Variants in LRP1 observed in about 807,000 individuals in gnomAD.
The protein encoded by LRP1 is prolow-density lipoprotein receptor-related protein 1.
LRP1 carries 51 observed loss-of-function variants against 541.5 expected under a neutral mutation model. The ratio of observed to expected loss-of-function variants is 0.09; its 90% CI spans 0.08 to 0.12. The LOEUF (loss-of-function observed/expected upper bound fraction) is 0.12. LRP1 is among the 10% of genes least tolerant of loss of function. The pLI is 1.00. For missense variants in LRP1, 3,878 were observed against 6,376.2 expected (o/e 0.61, Z 13.34); for synonymous variants, 2,219 against 2,470.8 (o/e 0.90, Z 3.02).
chr12:57,179,914 G>A lies in LRP1; in HGVS notation c.5099G>A (p.Gly1700Asp). Residue 1700 changes from glycine (G) to aspartate (D), a missense_variant, in exon 30 of 89, where the codon GGC (glycine) becomes GAC (aspartate). Transcript: ENST00000243077. This position sits in a 1 kb window ranked among gnomAD's most constrained non-coding sequence, Gnocchi z 6.8. ...TCCTTCAAGAACGCAGTGGTGCAGGGCCTGGAGCAGCCCCATGGCCTTGTC... is the reference window on the plus strand; with the variant it reads ...TCCTTCAAGAACGCAGTGGTGCAGGACCTGGAGCAGCCCCATGGCCTTGTC... ...DGSFKNAVVQ[G>D]LEQPHGLVVH... The A allele has an allele frequency of 6.2e-7, 1 of 1,614,132 alleles. No homozygotes were observed. Among genetic ancestry groups the A allele is most frequent in the Non-Finnish European group, 8.5e-7 (1 of 1,180,044 alleles).
In LRP1 at chr12:57,178,464, G is replaced by A; in HGVS notation, c.4467G>A (p.Gly1489=). 1 of 1,614,228 alleles carries A rather than the reference G, an allele frequency of 6.2e-7. No homozygotes were observed. The highest frequency in any genetic ancestry group is 8.5e-7 in the Non-Finnish European group (1 of 1,180,030). ...SHPFAVTLYG[G]EVYWTDWRTN... is the part of the protein sequence containing the mutation. ...CGTTTGCAGTGACGCTGTACGGGGG[G>A]GAGGTCTACTGGACTGACTGGCGAA... Residue 1489 remains glycine, a synonymous_variant, in exon 27 of 89, where the codon GGG becomes GGA. Transcript: ENST00000243077. This position sits in a 1 kb window ranked among gnomAD's most constrained non-coding sequence, Gnocchi z 5.8.
Position 57,195,896 on chromosome 12 carries a change from G to A in LRP1, c.8594G>A (p.Cys2865Tyr). The A allele has an allele frequency of 6.2e-7, 1 of 1,613,742 alleles. No individual in the cohort carries two copies. The highest frequency in any genetic ancestry group is 2.2e-5 in the East Asian group (1 of 44,882). Residue 2865 changes from cysteine (C) to tyrosine (Y), a missense_variant, in exon 54 of 89, where the codon TGT becomes TAT. This residue lies in a region of LRP1 where 1,100 missense variants were observed against 1,827.4 expected (regional missense o/e 0.60). Coordinates refer to ENST00000243077, the MANE Select transcript of LRP1 (RefSeq NM_002332.3). ...ACCTGCGGCCCCAGTGAGTTCCGCT[G>A]TGCCAATGGGCGCTGTCTGAGCTCC... ...YPTCGPSEFR[C>Y]ANGRCLSSRQ...
In LRP1 at chr12:57,173,291, G is replaced by A; in HGVS notation, c.3287G>A (p.Ser1096Asn). 1 of 1,614,142 alleles carries A rather than the reference G, an allele frequency of 6.2e-7. No homozygotes were observed. Among genetic ancestry groups the A allele is most frequent in the Non-Finnish European group, 8.5e-7 (1 of 1,180,022 alleles). The change falls in exon 21 of 89, where the codon AGC (serine) becomes AAC (asparagine). Residue 1096 changes from serine (S) to asparagine (N), a missense_variant. Ser to Asn is a conservative substitution (Grantham distance 46). Around this residue, in one of 13 missense-constraint regions of LRP1, gnomAD observed 320 missense variants for 547.9 expected, o/e 0.58. Transcript: ENST00000243077. The surrounding 1 kb of genome is among the most constrained non-coding windows in gnomAD (Gnocchi z 4.7). ...TGCATGGACTCCAGCGATGAGAAGA[G>A]CTGTGAGGGAGTGACCCACGTCTGC... ...TDCMDSSDEK[S>N]CEGVTHVCDP... is the part of the protein sequence containing the mutation.
intron 79 of LRP1, 90 bp downstream of exon 79, chr12:57,209,289 C>T (rs922380462): frequency 1.9e-6 from 2 of 1,034,072 alleles, no homozygotes; most frequent in Non-Finnish European, 3.0e-6. Context: ...TCAATGCCTC[C>T]CATCCTTTGT....
intron 78 of LRP1, 45 bp downstream of exon 78, chr12:57,208,862 G>A (rs368477782): frequency 2.4e-5 from 36 of 1,477,924 alleles, no homozygotes; most frequent in African/African-American, 8.3e-5. Flanking sequence ...GAGGGGGCCC[G>A]GCTCGCAGAG....
At chr12:57,199,180 A>C (rs1262190306) in intron 60 of LRP1, 32 bp from the exon 61 acceptor site, 1 of 1,603,456 alleles carries the variant, frequency 6.2e-7, no homozygotes, top group Non-Finnish European at 8.5e-7. Flanking sequence ...GCTCCGGCTG[A>C]CTGGCACTGT....
Position 57,211,617 on chromosome 12 carries a change from A to C in LRP1, c.13193+29A>C. The C allele has an allele frequency of 1.2e-6, 2 of 1,610,088 alleles. No homozygotes were observed. Among genetic ancestry groups the C allele is most frequent in the South Asian group, 2.2e-5 (2 of 90,998 alleles). ...AGTTGGGCCCGGGCTTCACCCAGGCATAGATCATCGCTCCCTTCCCCAGAT... is the reference window on the plus strand; with the variant it reads ...AGTTGGGCCCGGGCTTCACCCAGGCCTAGATCATCGCTCCCTTCCCCAGAT... On this transcript the variant is annotated intron_variant, in intron 85 of 88. Transcript: ENST00000243077. The surrounding 1 kb of genome is among the most constrained non-coding windows in gnomAD (Gnocchi z 4.3).
At chr12:57,149,738 C>A (rs1160851745) in intron 6 of LRP1, 2 of 728,012 alleles carry the variant, frequency 2.7e-6, no homozygotes, top group Admixed American at 3.8e-5. Flanking sequence ...AAGCTCCAGA[C>A]TGGCTGGTGG....
intron 77 of LRP1, 75 bp downstream of exon 77, chr12:57,208,291 C>T: frequency 6.8e-7 from 1 of 1,470,264 alleles, no homozygotes; most frequent in Non-Finnish European, 9.3e-7. Context: ...GGGCTGCACC[C>T]ACATGCGTGC....
chr12:57,210,578 C>A, intron 82 of LRP1, 98 bp downstream of exon 82: 2 of 1,439,818 alleles, frequency 1.4e-6, no homozygotes, highest in East Asian at 2.3e-5. Context: ...CCCTGCCTCG[C>A]CTCCAGCCTC....
rs1326619711 is a variant in LRP1 at position 57,128,917 on chromosome 12, G to A, written c.-48G>A. 2.0e-6 allele frequency: 3 copies of A among 1,497,948 alleles called. No individual in the cohort carries two copies. The highest frequency in any genetic ancestry group is 2.5e-5 in the East Asian group (1 of 39,892). The allele number at this position is 1,497,948 out of a possible 1,614,324, so 92.8% of individuals were successfully genotyped here. On this transcript the variant is annotated 5_prime_UTR_variant, in exon 1 of 89. Transcript: ENST00000243077. ...CAACTGGGGGGGGTGAAGGAGAGAAGTAGCAGGACCAGAGGGGAAGGGGCT... is the reference window on the plus strand; with the variant it reads ...CAACTGGGGGGGGTGAAGGAGAGAAATAGCAGGACCAGAGGGGAAGGGGCT...
Position 57,200,718 on chromosome 12 carries a change from C to T in LRP1, c.10128C>T (p.Pro3376=), listed in dbSNP as rs745682575. 1.1e-5 allele frequency: 18 copies of T among 1,613,816 alleles called. No homozygotes were observed. Among genetic ancestry groups the T allele is most frequent in the East Asian group, 4.5e-5 (2 of 44,890 alleles). Residue 3376 remains proline, a synonymous_variant, in exon 64 of 89, where the codon CCC becomes CCT. Coordinates refer to ENST00000243077, the MANE Select transcript of LRP1 (RefSeq NM_002332.3). ...PPDCPEFKCR[P]GQFQCSTGIC... ...TGGCAGCTGAGTTCAAGTGCCGGCC[C>T]GGACAGTTCCAGTGCTCCACAGGTA...
At chr12:57,195,517 G>A (rs567088722) in intron 52 of LRP1, 118 bp downstream of exon 52, 1 of 1,568,390 alleles carries the variant, frequency 6.4e-7, no homozygotes, top group Non-Finnish European at 8.6e-7. Context: ...TGGGGGCGGA[G>A]CCATAGCTGT....
In LRP1 at chr12:57,204,357, G is replaced by A; in HGVS notation, c.10952-53G>A. The A allele has an allele frequency of 6.8e-7, 1 of 1,471,938 alleles. No homozygotes were observed. The highest frequency in any genetic ancestry group is 1.4e-5 in the African/African-American group (1 of 71,238). 91.2% of individuals were successfully genotyped at this position (1,471,938 alleles called of 1,614,324 possible). ...CTGGAACCCCCACCTGTGGAGACAG[G>A]GGTCTGGGTGGGCTCATGGCTCATT... On this transcript the variant is annotated intron_variant, in intron 70 of 88. Coordinates refer to ENST00000243077, the MANE Select transcript of LRP1 (RefSeq NM_002332.3). This position sits in a 1 kb window ranked among gnomAD's most constrained non-coding sequence, Gnocchi z 5.3.
chr12:57,192,796 C>G, intron 44 of LRP1, 49 bp from the exon 45 acceptor site: 1 of 1,612,084 alleles, frequency 6.2e-7, no homozygotes. Flanking sequence ...TGGGTGCATG[C>G]ACAGCAGAGA....
rs773103953 is a variant in LRP1 at position 57,205,077 on chromosome 12, T to A, written c.11195-32T>A. On this transcript the variant is annotated intron_variant, in intron 72 of 88. Transcript: ENST00000243077. The surrounding 1 kb of genome is among the most constrained non-coding windows in gnomAD (Gnocchi z 4.6). ...CGTGGGAGGAGGAGGCAGGGGAGAA[T>A]ACCCAGGGCCTAAAGCCTCTGCCCT... 6.3e-7 allele frequency: 1 copy of A among 1,589,988 alleles called. No homozygotes were observed. Among genetic ancestry groups the A allele is most frequent in the Non-Finnish European group, 8.6e-7 (1 of 1,165,176 alleles).
intron 42 of LRP1, among the ~76,000 whole-genome samples, chr12:57,188,079 G>A (rs1309102912): frequency 6.6e-6 from 1 of 152,206 alleles, no homozygotes; most frequent in African/African-American, 2.4e-5. Flanking sequence ...GCATAGGCAG[G>A]CCTGAGCCCA....
intron 1 of LRP1, among the ~76,000 whole-genome samples, chr12:57,138,127 T>C (rs751989775): frequency 6.6e-6 from 1 of 152,150 alleles, no homozygotes; most frequent in Non-Finnish European, 1.5e-5. Flanking sequence ...ACCATCACTC[T>C]GTCATCAAAG....
chr12:57,156,080 C>T lies in LRP1; in HGVS notation c.1228-14C>T. On this transcript the variant is annotated splice_polypyrimidine_tract_variant and intron_variant, in intron 8 of 88. Coordinates refer to ENST00000243077, the MANE Select transcript of LRP1 (RefSeq NM_002332.3). This position sits in a 1 kb window ranked among gnomAD's most constrained non-coding sequence, Gnocchi z 5.2. ...TGTCATCTCATGCTGTCCATTCTTG[C>T]CTGCCCGTCTCAGATTGAGCACCTG... The T allele has an allele frequency of 1.2e-6, 2 of 1,610,480 alleles. No individual in the cohort carries two copies. The highest frequency in any genetic ancestry group is 1.7e-6 in the Non-Finnish European group (2 of 1,177,608).
Sources: gnomAD v4.1 joint callset for allele counts (sites outside exome capture counted in the v4.1 genomes callset) on GRCh38, gnomAD v4.1.1 for gene constraint, gnomAD v4.1.1 regional missense constraint, Gnocchi (gnomAD v3.1) non-coding constraint, MANE v1.5 for transcripts, NCBI Gene and HGNC (gene_info 2026-07-23, HGNC 2026-07-21) for gene names.